LDB2: variants seen among roughly 807,000 people sequenced by gnomAD.
The protein encoded by LDB2 is LIM domain-binding protein 2.
In LDB2, 12 loss-of-function variants were observed where a neutral mutation model predicts 44.3. The observed-to-expected ratio is 0.27, with a 90% CI of 0.17 to 0.44. The LOEUF (loss-of-function observed/expected upper bound fraction) is 0.44, where lower values mean the gene tolerates loss of function less well. Among genes scored for constraint, LDB2 ranks in the 20% least tolerant of loss-of-function variants. The pLI is 1.00. For missense variants in LDB2, 344 were observed against 473.5 expected (o/e 0.73, Z 2.54); for synonymous variants, 164 against 174.8 (o/e 0.94, Z 0.49).
At chr4:16,852,398 G>A (rs1580232405) in intron 1 of LDB2, among the ~76,000 whole-genome samples, 1 of 152,260 alleles carries the variant, frequency 6.6e-6, no homozygotes, top group East Asian at 1.9e-4. Context: ...ATACACATCT[G>A]CAATGCAATG....
chr4:16,596,646 T>C (rs2152441421), intron 2 of LDB2, among the ~76,000 whole-genome samples: 1 of 152,336 alleles, frequency 6.6e-6, no homozygotes, highest in South Asian at 2.1e-4. Context: ...CTATCTGCTT[T>C]TGGAGCTGTG....
In LDB2 at chr4:16,799,759, T is replaced by C. The variant is rs141745037; in HGVS notation, c.133-40499A>G. ...CTTAACACTTGGCATATAGTTAGGG[T>C]TTACCAGATGAAATACAGGATGCTC... is the stretch of plus-strand genomic sequence containing the variant. On this transcript the variant is annotated intron_variant, in intron 1 of 7. Coordinates refer to ENST00000304523, the MANE Select transcript of LDB2 (RefSeq NM_001290.5). Among the ~76,000 whole-genome samples the C allele has an allele frequency of 5.2e-3, 791 of 151,414 alleles. 21 individuals are homozygous for C. The highest frequency in any genetic ancestry group is 0.047 in the Admixed American group (715 of 15,186).
chr4:16,756,137 T>C (rs1488237770), intron 2 of LDB2, among the ~76,000 whole-genome samples: 2 of 152,174 alleles, frequency 1.3e-5, no homozygotes, highest in Non-Finnish European at 2.9e-5. Context: ...GCCGGGACTT[T>C]TGTTCCTATT....
rs1019732527 is a variant in LDB2, at chr4:16,712,791, T to C, written c.235+46367A>G. Among the ~76,000 whole-genome samples the C allele has an allele frequency of 2.0e-5, 3 of 152,156 alleles. No individual in the cohort carries two copies. In the East Asian group the frequency reaches 5.8e-4, roughly 29 times the overall value. ...AATGGTGCAGCTGCTTTGGAAAACA[T>C]TTTGGAAGCTCCTCAAAATGTTATG... On this transcript the variant is annotated intron_variant, in intron 2 of 7. Transcript: ENST00000304523.
chr4:16,876,194 G>A (rs561103272), intron 1 of LDB2, among the ~76,000 whole-genome samples: 71 of 152,302 alleles, frequency 4.7e-4, no homozygotes, highest in African/African-American at 1.6e-3. Flanking sequence ...AGTACCCTAC[G>A]TGCAACAATT....
intron 2 of LDB2, among the ~76,000 whole-genome samples, chr4:16,716,283 G>T (rs1757062557): frequency 6.6e-6 from 1 of 152,168 alleles, no homozygotes; most frequent in South Asian, 2.1e-4. Context: ...ACCCAGGAGT[G>T]GGAGCTTCAA....
chr4:16,654,245 A>G (rs147239610), intron 2 of LDB2, among the ~76,000 whole-genome samples: 30 of 152,320 alleles, frequency 2.0e-4, no homozygotes, highest in African/African-American at 7.0e-4. Flanking sequence ...GTTTGTGAAA[A>G]TAAGGAGATT....
chr4:16,524,891 A>G (rs1727646983), intron 5 of LDB2, among the ~76,000 whole-genome samples: 1 of 152,202 alleles, frequency 6.6e-6, no homozygotes, highest in African/African-American at 2.4e-5. Flanking sequence ...CTGGAAATAT[A>G]CAGCTTTTAT....
intron 2 of LDB2, among the ~76,000 whole-genome samples, chr4:16,629,915 C>A (rs1008478565): frequency 3.9e-5 from 6 of 152,062 alleles, no homozygotes; most frequent in African/African-American, 7.2e-5. Flanking sequence ...ACAAACAAAA[C>A]CTCCAAGAAA....
intron 2 of LDB2, among the ~76,000 whole-genome samples, chr4:16,755,072 A>C (rs1766246003): frequency 6.6e-6 from 1 of 152,136 alleles, no homozygotes; most frequent in Non-Finnish European, 1.5e-5. Context: ...TTTCCTAAGA[A>C]TGTGGCCATT....
intron 1 of LDB2, among the ~76,000 whole-genome samples, chr4:16,811,072 T>G (rs1300313939): frequency 1.3e-5 from 2 of 152,110 alleles, no homozygotes; most frequent in Non-Finnish European, 2.9e-5. Flanking sequence ...CATAATAGCG[T>G]TTGCACTCCT....
chr4:16,608,206 C>CAAAAA (rs71649969), intron 2 of LDB2, among the ~76,000 whole-genome samples: 6 of 68,492 alleles, frequency 8.8e-5, no homozygotes, highest in African/African-American at 2.0e-4. Context: ...CACACTTCTT[C>CAAAAA]AAAAAAAAAA....
At chr4:16,777,983 C>A (rs571232335) in intron 1 of LDB2, among the ~76,000 whole-genome samples, 2 of 152,188 alleles carry the variant, frequency 1.3e-5, no homozygotes, top group African/African-American at 4.8e-5. Flanking sequence ...CTTCCTCCCC[C>A]ATCCCTCTCC....
intron 2 of LDB2, among the ~76,000 whole-genome samples, chr4:16,694,823 G>T (rs575054029): frequency 1.3e-5 from 2 of 152,184 alleles, no homozygotes; most frequent in Non-Finnish European, 2.9e-5. Context: ...AAGTGCAGAC[G>T]CAGGTAAACA....
intron 2 of LDB2, among the ~76,000 whole-genome samples, chr4:16,673,670 A>T (rs951390817): frequency 6.6e-6 from 1 of 152,144 alleles, no homozygotes; most frequent in Non-Finnish European, 1.5e-5. Context: ...ACAATTGGCA[A>T]TGTCTAGAGA....
intron 2 of LDB2, among the ~76,000 whole-genome samples, chr4:16,715,484 A>G (rs1221889054): frequency 6.6e-6 from 1 of 152,192 alleles, no homozygotes; most frequent in Admixed American, 6.6e-5. Context: ...TCTTCTCTAT[A>G]TTAGACCTAA....
intron 1 of LDB2, among the ~76,000 whole-genome samples, chr4:16,866,508 T>C (rs1001456284): frequency 6.6e-6 from 1 of 152,126 alleles, no homozygotes; most frequent in Admixed American, 6.5e-5. Context: ...ATACCCTCAA[T>C]TGCCAGATGA....
At chr4:16,761,279 C>T (rs1017449891) in intron 1 of LDB2, among the ~76,000 whole-genome samples, 1 of 152,184 alleles carries the variant, frequency 6.6e-6, no homozygotes, top group African/African-American at 2.4e-5. Flanking sequence ...ACACCCCCGA[C>T]CTACCCATCC....
At chr4:16,569,473 G>A (rs1021755362) in intron 5 of LDB2, among the ~76,000 whole-genome samples, 4 of 152,214 alleles carry the variant, frequency 2.6e-5, no homozygotes, top group African/African-American at 9.7e-5. Context: ...ATATGTATGA[G>A]ACTCTGAGGA....
Sources: allele counts gnomAD v4.1 joint callset (sites outside exome capture counted in the v4.1 genomes callset), GRCh38; gene constraint gnomAD v4.1.1; transcripts MANE v1.5; gene names NCBI Gene and HGNC (gene_info 2026-07-23, HGNC 2026-07-21).